The following TMTC2 variants were observed in gnomAD, a reference collection of about 807,000 sequenced individuals.
TMTC2 encodes the protein transmembrane O-mannosyltransferase targeting cadherins 2, also known as protein O-mannosyl-transferase TMTC2.
TMTC2 carries 43 observed loss-of-function variants against 82.4 expected under a neutral mutation model. The observed-to-expected ratio is 0.52, with a 90% confidence interval of 0.41 to 0.67. The LOEUF is 0.67. Among genes scored for constraint, TMTC2 ranks in the 30% least tolerant of loss-of-function variants. The probability of loss-of-function intolerance (pLI) is 0.00; values close to 1 mark genes in which losing one functional copy is unlikely to be tolerated. For synonymous variants in TMTC2, 408 were observed against 381.9 expected (o/e 1.07, Z -0.80); for missense variants, 919 against 1,012.4 (o/e 0.91, Z 1.25).
At chr12:82,755,653 TCTGAATACCTGATCAG>T (rs1876270136) in intron 1 of TMTC2, among the ~76,000 whole-genome samples, 1 of 152,180 alleles carries the variant, frequency 6.6e-6, no homozygotes, top group South Asian at 2.1e-4. Context: ...GAGGACCTAG[TCTGAATACCTGATCAG>T]TTAGGCAAGC....
chr12:83,096,767 A>C (rs1490231922), intron 11 of TMTC2, among the ~76,000 whole-genome samples: 1 of 152,232 alleles, frequency 6.6e-6, no homozygotes, highest in African/African-American at 2.4e-5. Context: ...ATACAGCCAA[A>C]CCATATCAAA....
chr12:83,122,427 C>T (rs1884981894), intron 11 of TMTC2, among the ~76,000 whole-genome samples: 2 of 152,012 alleles, frequency 1.3e-5, no homozygotes, highest in Non-Finnish European at 2.9e-5. Context: ...GGCCACCCTC[C>T]TGAAGGACCC....
chr12:83,092,720 T>G (rs1056104612), intron 11 of TMTC2, among the ~76,000 whole-genome samples: 2 of 152,228 alleles, frequency 1.3e-5, no homozygotes, highest in African/African-American at 2.4e-5. Context: ...TTTCCATGAC[T>G]AAAAGGGAAT....
intron 1 of TMTC2, among the ~76,000 whole-genome samples, chr12:82,841,484 T>C (rs1306458623): frequency 1.3e-5 from 2 of 152,204 alleles, no homozygotes; most frequent in Non-Finnish European, 2.9e-5. Context: ...ATCTGTGTTA[T>C]TTTTAAATTA....
chr12:83,087,753 G>T (rs1883709982), intron 11 of TMTC2, among the ~76,000 whole-genome samples: 1 of 152,188 alleles, frequency 6.6e-6, no homozygotes, highest in African/African-American at 2.4e-5. Flanking sequence ...GTAGGCCATA[G>T]TGTAAACAGA....
chr12:83,055,219 G>A (rs1278056564), intron 10 of TMTC2, among the ~76,000 whole-genome samples: 1 of 152,022 alleles, frequency 6.6e-6, no homozygotes, highest in Non-Finnish European at 1.5e-5. Flanking sequence ...AGTGGAAACT[G>A]AGTCCTGTGC....
chr12:82,747,662 A>G (rs866948631), intron 1 of TMTC2, among the ~76,000 whole-genome samples: 4 of 152,226 alleles, frequency 2.6e-5, no homozygotes, highest in Non-Finnish European at 4.4e-5. Context: ...CATACCTTCA[A>G]TGGAGTATTG....
At chr12:82,706,337 A>C (rs1439860412) in intron 1 of TMTC2, among the ~76,000 whole-genome samples, 3 of 151,850 alleles carry the variant, frequency 2.0e-5, no homozygotes, top group Non-Finnish European at 4.4e-5. Flanking sequence ...AAAAAAAAAA[A>C]AAAAAGGATG....
intron 1 of TMTC2, among the ~76,000 whole-genome samples, chr12:82,772,827 C>T (rs897792676): frequency 5.9e-5 from 9 of 151,840 alleles, no homozygotes; most frequent in African/African-American, 7.3e-5. Flanking sequence ...TGCTTTTTTT[C>T]GCTAATGATC....
chr12:82,705,479 G>C (rs1873311989), intron 1 of TMTC2, among the ~76,000 whole-genome samples: 1 of 152,210 alleles, frequency 6.6e-6, no homozygotes, highest in Admixed American at 6.5e-5. Context: ...GTTACCAGAA[G>C]TAATGGAAGG....
intron 1 of TMTC2, among the ~76,000 whole-genome samples, chr12:82,721,767 CTTTAATAA>C (rs1407596984): frequency 6.6e-6 from 1 of 152,166 alleles, no homozygotes; most frequent in Non-Finnish European, 1.5e-5. Flanking sequence ...TCTGAGATTT[CTTTAATAA>C]TATGTGTGAC....
chr12:82,704,522 C>T (rs1043892056), intron 1 of TMTC2, among the ~76,000 whole-genome samples: 7 of 151,874 alleles, frequency 4.6e-5, no homozygotes, highest in Non-Finnish European at 8.8e-5. Context: ...AAACAGTTTA[C>T]CAGAATAGAC....
chr12:82,726,680 A>ACT (rs1874465918), intron 1 of TMTC2, among the ~76,000 whole-genome samples: 1 of 152,058 alleles, frequency 6.6e-6, no homozygotes, highest in African/African-American at 2.4e-5. Context: ...AGAGATAGAG[A>ACT]CCATCCTGGC....
intron 1 of TMTC2, among the ~76,000 whole-genome samples, chr12:82,842,882 A>G (rs936164874): frequency 6.6e-6 from 1 of 152,112 alleles, no homozygotes; most frequent in Non-Finnish European, 1.5e-5. Context: ...GAAATGCCTC[A>G]TTTTAACTTA....
At chr12:82,698,943 T>A (rs1314498073) in intron 1 of TMTC2, among the ~76,000 whole-genome samples, 2 of 152,142 alleles carry the variant, frequency 1.3e-5, no homozygotes, top group African/African-American at 4.8e-5. Flanking sequence ...TGGCATGCAG[T>A]TTCATCATGC....
rs1324363561 is a variant in TMTC2, at chr12:82,965,593, A to G, written c.1718A>G (p.Asn573Ser). 6.2e-7 allele frequency: 1 copy of G among 1,613,718 alleles called. No homozygotes were observed. Among genetic ancestry groups the G allele is most frequent in the Non-Finnish European group, 8.5e-7 (1 of 1,179,718 alleles). ...AYLNTGIILM[N>S]QGRTEEARRT... ...TTAAATACCGGTATTATTCTAATGA[A>G]CCAAGGAAGGACGGAAGAAGCCCGA... The change falls in exon 6 of 12, where the codon AAC (asparagine) becomes AGC (serine). Residue 573 changes from asparagine (N) to serine (S), a missense_variant. Coordinates refer to ENST00000321196, the MANE Select transcript of TMTC2 (RefSeq NM_152588.3).
chr12:82,985,369 A>G (rs367591917), intron 7 of TMTC2, among the ~76,000 whole-genome samples: 2 of 152,262 alleles, frequency 1.3e-5, no homozygotes, highest in East Asian at 3.9e-4. Context: ...ACTTGTTAAC[A>G]TATAAAATTC....
chr12:83,059,475 G>A (rs553320052), intron 10 of TMTC2, among the ~76,000 whole-genome samples: 6 of 151,796 alleles, frequency 4.0e-5, no homozygotes, highest in African/African-American at 1.4e-4. Flanking sequence ...CTGATTAGTA[G>A]TTTATAAAGA....
chr12:82,876,066 G>GTGC (rs1379806817), intron 2 of TMTC2, among the ~76,000 whole-genome samples: 1 of 101,100 alleles, frequency 9.9e-6, no homozygotes, highest in Non-Finnish European at 2.0e-5. Context: ...GGTGGTGGTG[G>GTGC]TGATGATGAT....
Sources: allele counts gnomAD v4.1 joint callset (sites outside exome capture counted in the v4.1 genomes callset), GRCh38; gene constraint gnomAD v4.1.1; transcripts MANE v1.5; gene names NCBI Gene and HGNC (gene_info 2026-07-23, HGNC 2026-07-21).